ADCK1: variants seen among roughly 807,000 people sequenced by gnomAD.
ADCK1 encodes aarF domain-containing protein kinase 1.
ADCK1 carries 41 observed loss-of-function variants against 52.3 expected under a neutral mutation model. The observed-to-expected ratio is 0.78, with a 90% CI of 0.61 to 1.02. The LOEUF is 1.02. Among genes scored for constraint, ADCK1 ranks in the 50% least tolerant of loss-of-function variants. The pLI is 0.00. For missense variants in ADCK1, 658 were observed against 679.5 expected (o/e 0.97, Z 0.35); for synonymous variants, 250 against 274.6 (o/e 0.91, Z 0.89).
intron 1 of ADCK1, among the ~76,000 whole-genome samples, chr14:77,803,672 G>A (rs1266290069): frequency 6.6e-6 from 1 of 152,186 alleles, no homozygotes; most frequent in Non-Finnish European, 1.5e-5. Context: ...GAAATGGCTT[G>A]TTTCTAGTGG....
chr14:77,901,313 G>T (rs1479880167), intron 6 of ADCK1, among the ~76,000 whole-genome samples: 1 of 151,010 alleles, frequency 6.6e-6, no homozygotes, highest in Admixed American at 6.6e-5. Flanking sequence ...GCCTCCCAAA[G>T]TGCTGAGATT....
intron 1 of ADCK1, among the ~76,000 whole-genome samples, chr14:77,804,526 G>A (rs2081177908): frequency 1.3e-5 from 2 of 152,102 alleles, no homozygotes; most frequent in African/African-American, 2.4e-5. Context: ...CTCAAGGGTA[G>A]GGGTGGCCTC....
chr14:77,914,199 T>C (rs2083863349), intron 7 of ADCK1, among the ~76,000 whole-genome samples: 1 of 152,286 alleles, frequency 6.6e-6, no homozygotes, highest in Non-Finnish European at 1.5e-5. Flanking sequence ...CTGAGTCACT[T>C]CTCAGTAGCT....
chr14:77,808,178 C>T (rs918938788), intron 1 of ADCK1, among the ~76,000 whole-genome samples: 2 of 152,324 alleles, frequency 1.3e-5, no homozygotes, highest in East Asian at 1.9e-4. Flanking sequence ...GAGAGGAGAC[C>T]TGTGCACCAA....
At chr14:77,903,728 G>C (rs1310759246) in intron 6 of ADCK1, among the ~76,000 whole-genome samples, 1 of 152,124 alleles carries the variant, frequency 6.6e-6, no homozygotes, top group African/African-American at 2.4e-5. Flanking sequence ...GGCCATGCCA[G>C]GGTTCCTTAG....
chr14:77,854,838 C>T (rs537103379), intron 3 of ADCK1, among the ~76,000 whole-genome samples: 19 of 152,262 alleles, frequency 1.2e-4, no homozygotes, highest in African/African-American at 1.7e-4. Flanking sequence ...GGATTACAGG[C>T]GTCAGCCACC....
Position 77,933,555 on chromosome 14 carries a change from T to C in ADCK1, c.*164T>C. The C allele has an allele frequency of 1.3e-6, 1 of 797,564 alleles. No homozygotes were observed. The highest frequency in any genetic ancestry group is 2.0e-6 in the Non-Finnish European group (1 of 505,050). The allele number at this position is 797,564 out of a possible 1,614,324, so 49.4% of individuals were successfully genotyped here. On this transcript the variant is annotated 3_prime_UTR_variant, in exon 11 of 11. Transcript: ENST00000238561. ...CCTTTGGAATCCTCTCCGCACACTG[T>C]GGCCCTTGTCTCAGGGCCCACAAGC... is the stretch of plus-strand genomic sequence containing the variant.
intron 7 of ADCK1, among the ~76,000 whole-genome samples, chr14:77,920,449 C>T (rs570728214): frequency 2.3e-4 from 35 of 152,222 alleles, no homozygotes; most frequent in Non-Finnish European, 4.3e-4. Flanking sequence ...TCTGTTCCAT[C>T]GGTCTACGTG....
At chr14:77,820,719 AATCCAAATCCATGC>A (rs1305022428) in intron 2 of ADCK1, among the ~76,000 whole-genome samples, 13 of 151,336 alleles carry the variant, frequency 8.6e-5, no homozygotes, top group African/African-American at 2.7e-4. Context: ...GTTAAAAAAC[AATCCAAATCCATGC>A]ATCCAAATCC....
intron 4 of ADCK1, among the ~76,000 whole-genome samples, chr14:77,873,924 G>T (rs74248952): frequency 0.033 from 4,982 of 152,300 alleles, 146 homozygotes; most frequent in South Asian, 0.12. Flanking sequence ...CTACCATTAG[G>T]ATGGAAGGTA....
intron 4 of ADCK1, among the ~76,000 whole-genome samples, chr14:77,870,299 C>T (rs2082749580): frequency 6.6e-6 from 1 of 152,214 alleles, no homozygotes. Context: ...ACTCTTCCCG[C>T]TATGCAGCTC....
chr14:77,922,654 C>A (rs922231378), intron 7 of ADCK1, among the ~76,000 whole-genome samples: 1 of 152,158 alleles, frequency 6.6e-6, no homozygotes, highest in Non-Finnish European at 1.5e-5. Context: ...TGCAAGCCAG[C>A]GTAGAATAGC....
chr14:77,892,401 A>G (rs2083300621), intron 5 of ADCK1, among the ~76,000 whole-genome samples: 1 of 152,194 alleles, frequency 6.6e-6, no homozygotes, highest in African/African-American at 2.4e-5. Flanking sequence ...TGAAAGTGGT[A>G]TAGCTAATAC....
In ADCK1 at chr14:77,819,117, G is replaced by A; in HGVS notation, c.135+4G>A. On this transcript the variant is annotated splice_donor_region_variant and intron_variant, in intron 2 of 10. Coordinates refer to ENST00000238561, the MANE Select transcript of ADCK1 (RefSeq NM_020421.4). ...GGTGGGCAGAGCAGTTGCTACGGTA[G>A]GTTTTTCCCTTTTGGGGGTAGCAGA... The A allele has an allele frequency of 6.4e-7, 1 of 1,554,320 alleles. No individual in the cohort carries two copies. Among genetic ancestry groups the A allele is most frequent in the Non-Finnish European group, 8.7e-7 (1 of 1,147,330 alleles).
At chr14:77,930,332 C>T (rs529613302) in intron 9 of ADCK1, among the ~76,000 whole-genome samples, 4 of 152,316 alleles carry the variant, frequency 2.6e-5, no homozygotes, top group East Asian at 1.9e-4. Flanking sequence ...CCTGCTGCTT[C>T]GGAGAGGAGT....
At chr14:77,808,023 G>A (rs765518084) in intron 1 of ADCK1, among the ~76,000 whole-genome samples, 6 of 152,166 alleles carry the variant, frequency 3.9e-5, no homozygotes, top group Non-Finnish European at 5.9e-5. Context: ...ACAGACACAG[G>A]CAGCACAACA....
At chr14:77,873,750 T>C (rs376776350) in intron 4 of ADCK1, among the ~76,000 whole-genome samples, 9 of 152,342 alleles carry the variant, frequency 5.9e-5, no homozygotes, top group Admixed American at 3.3e-4. Flanking sequence ...CCTGCCGCCA[T>C]GTGAAGAAGG....
chr14:77,928,488 G>T (rs1282501064), intron 9 of ADCK1, among the ~76,000 whole-genome samples: 3 of 149,652 alleles, frequency 2.0e-5, no homozygotes, highest in Non-Finnish European at 3.0e-5. Flanking sequence ...TTGAGACAGA[G>T]TCTCTCTCTC....
intron 10 of ADCK1, 132 bp downstream of exon 10, chr14:77,931,843 C>T (rs1203901295): frequency 1.2e-5 from 12 of 972,072 alleles, no homozygotes; most frequent in South Asian, 1.7e-5. Context: ...GATATCCCTG[C>T]AGGCAAAGTT....
Sources: gnomAD v4.1 joint callset for allele counts (sites outside exome capture counted in the v4.1 genomes callset) on GRCh38, gnomAD v4.1.1 for gene constraint, MANE v1.5 for transcripts, NCBI Gene and HGNC (gene_info 2026-07-23, HGNC 2026-07-21) for gene names.